LRIF1: variants seen among roughly 807,000 people sequenced by gnomAD.
LRIF1 encodes ligand dependent nuclear receptor interacting factor 1, also known as ligand-dependent nuclear receptor-interacting factor 1.
LRIF1 carries 32 observed loss-of-function variants against 52.7 expected under a neutral mutation model. That is an observed-to-expected ratio of 0.61 (90% CI 0.46 to 0.82). LRIF1 has a LOEUF of 0.82. Among genes scored for constraint, LRIF1 ranks in the 40% least tolerant of loss-of-function variants. The pLI is 0.00. For synonymous variants in LRIF1, 323 were observed against 317.4 expected (o/e 1.02, Z -0.19); for missense variants, 887 against 892.0 (o/e 0.99, Z 0.07).
chr1:110,894,493 A>G, the LRIF1 span: 5 of 962,728 alleles, frequency 5.2e-6, no homozygotes, highest in African/African-American at 1.6e-5. Flanking sequence ...AATAAGTTCT[A>G]TAATAGAGAT....
chr1:110,904,764 A>G, the LRIF1 span, among the ~76,000 whole-genome samples: 318 of 152,302 alleles, frequency 2.1e-3, 7 homozygotes, highest in East Asian at 0.053. Context: ...AACACCATCC[A>G]GGAAAACATG....
the LRIF1 span, among the ~76,000 whole-genome samples, chr1:110,892,124 C>G: frequency 6.6e-6 from 1 of 152,294 alleles, no homozygotes; most frequent in Non-Finnish European, 1.5e-5. Context: ...TCCTTGGTAT[C>G]TGGAGATGGG....
chr1:110,959,202 TAACA>T (rs1390887120), intron 1 of LRIF1, among the ~76,000 whole-genome samples: 1 of 152,128 alleles, frequency 6.6e-6, no homozygotes, highest in Non-Finnish European at 1.5e-5. Flanking sequence ...TAATACAGTT[TAACA>T]GTTTAAAAGA....
the LRIF1 span, among the ~76,000 whole-genome samples, chr1:110,901,330 A>G: frequency 1.3e-5 from 2 of 151,886 alleles, no homozygotes; most frequent in Non-Finnish European, 1.5e-5. Flanking sequence ...AGCACACGCC[A>G]CCACGCCTGG....
the LRIF1 span, among the ~76,000 whole-genome samples, chr1:110,879,408 A>G: frequency 9.8e-5 from 15 of 152,360 alleles, no homozygotes; most frequent in Non-Finnish European, 2.2e-4. Flanking sequence ...TTCCAAAGCT[A>G]GTGTTTATCA....
the LRIF1 span, chr1:110,892,649 T>C: frequency 2.2e-5 from 19 of 880,578 alleles, no homozygotes; most frequent in African/African-American, 1.3e-4. Flanking sequence ...GAAAATGAGA[T>C]TGGTACCTCA....
At chr1:110,923,143 T>C in the LRIF1 span, among the ~76,000 whole-genome samples, 1 of 151,952 alleles carries the variant, frequency 6.6e-6, no homozygotes, top group Non-Finnish European at 1.5e-5. Flanking sequence ...CTACTAAAAA[T>C]ATAAAAATTA....
the LRIF1 span, among the ~76,000 whole-genome samples, chr1:110,933,391 A>C: frequency 6.6e-6 from 1 of 152,176 alleles, no homozygotes; most frequent in Non-Finnish European, 1.5e-5. Flanking sequence ...GTGAGCACTC[A>C]GTACCTGGTT....
Position 110,947,302 on chromosome 1 carries a change from C to G in LRIF1, c.*657G>C, listed in dbSNP as rs531925252. ...CCAAAAAAAAAAAAAGCAGCATTTG[C>G]CTGGGAACACATCACTATAAGCAAA... On this transcript the variant is annotated 3_prime_UTR_variant, in exon 4 of 4. Coordinates refer to ENST00000369763, the MANE Select transcript of LRIF1 (RefSeq NM_018372.4). 2.6e-4 allele frequency: 39 copies of G among 150,132 alleles called. No homozygotes were observed. Among genetic ancestry groups the G allele is most frequent in the Admixed American group, 2.3e-3 (35 of 15,046 alleles). 9.3% of individuals were successfully genotyped at this position (150,132 alleles called of 1,614,324 possible). A position where few individuals can be genotyped will look rare whatever the true frequency, so the allele number is the denominator to read the frequency against.
the LRIF1 span, among the ~76,000 whole-genome samples, chr1:110,907,409 T>C: frequency 6.6e-6 from 1 of 152,188 alleles, no homozygotes; most frequent in Admixed American, 6.5e-5. Flanking sequence ...GGATAAGGAC[T>C]TAATTTTGGT....
At chr1:110,899,298 C>T in the LRIF1 span, 1 of 793,580 alleles carries the variant, frequency 1.3e-6, no homozygotes, top group Non-Finnish European at 2.1e-6. Flanking sequence ...ATCCTCCTCC[C>T]ATCCTTTCCC....
chr1:110,902,268 G>A, the LRIF1 span, among the ~76,000 whole-genome samples: 2 of 152,170 alleles, frequency 1.3e-5, no homozygotes, highest in South Asian at 2.1e-4. Flanking sequence ...TACATGAGAT[G>A]GCTCACTCTT....
chr1:110,956,995 C>T (rs1332624312), intron 1 of LRIF1, among the ~76,000 whole-genome samples: 1 of 152,018 alleles, frequency 6.6e-6, no homozygotes, highest in Non-Finnish European at 1.5e-5. Flanking sequence ...AACTAATTAT[C>T]CCTCCATATT....
At chr1:110,961,666 GA>G (rs1251212053) in intron 1 of LRIF1, among the ~76,000 whole-genome samples, 3 of 151,792 alleles carry the variant, frequency 2.0e-5, no homozygotes. Context: ...CAAACAATAA[GA>G]AAATCATAGT....
intron 1 of LRIF1, among the ~76,000 whole-genome samples, chr1:110,959,805 T>C (rs993149774): frequency 6.6e-6 from 1 of 151,856 alleles, no homozygotes; most frequent in African/African-American, 2.4e-5. Flanking sequence ...TTGGTAATGT[T>C]ATATAACTTC....
the LRIF1 span, among the ~76,000 whole-genome samples, chr1:110,912,551 C>A: frequency 6.6e-6 from 1 of 152,000 alleles, no homozygotes; most frequent in African/African-American, 2.4e-5. Context: ...AAGCTGAGAG[C>A]CAAATCAGGA....
chr1:110,930,662 G>A, the LRIF1 span, among the ~76,000 whole-genome samples: 3 of 151,996 alleles, frequency 2.0e-5, no homozygotes, highest in Admixed American at 2.0e-4. Flanking sequence ...GTTATACTGG[G>A]GGTTAATGCT....
the LRIF1 span, among the ~76,000 whole-genome samples, chr1:110,895,455 A>G: frequency 2.9e-3 from 443 of 152,272 alleles, 1 homozygote; most frequent in African/African-American, 0.01. Context: ...CCCATTCCTC[A>G]TGTGCTGTTT....
chr1:110,881,686 T>C, the LRIF1 span, among the ~76,000 whole-genome samples: 2 of 152,224 alleles, frequency 1.3e-5, no homozygotes, highest in African/African-American at 4.8e-5. Context: ...ACGAGCAAAC[T>C]GCTTTTGAAC....
Sources: gnomAD v4.1 joint callset for allele counts (sites outside exome capture counted in the v4.1 genomes callset) on GRCh38, gnomAD v4.1.1 for gene constraint, MANE v1.5 for transcripts, NCBI Gene and HGNC (gene_info 2026-07-23, HGNC 2026-07-21) for gene names.